Variants in ACACA observed in about 807,000 individuals in gnomAD.
ACACA encodes acetyl-CoA carboxylase 1.
A neutral mutation model predicts 296.1 loss-of-function variants in ACACA; 103 were observed. That is an observed-to-expected ratio of 0.35 (90% CI 0.30 to 0.41). The LOEUF (loss-of-function observed/expected upper bound fraction) is 0.41. ACACA is among the 10% of genes least tolerant of loss of function. The pLI is 1.00. For missense variants in ACACA, 1,554 were observed against 2,989.7 expected (o/e 0.52, Z 11.20); for synonymous variants, 953 against 1,038.6 (o/e 0.92, Z 1.58).
intron 35 of ACACA, among the ~76,000 whole-genome samples, chr17:37,199,609 A>C (rs2078157361): frequency 6.6e-6 from 1 of 152,318 alleles, no homozygotes; most frequent in African/African-American, 2.4e-5. Flanking sequence ...GGCTCTATCA[A>C]GGCATTTTAA....
intron 1 of ACACA, among the ~76,000 whole-genome samples, chr17:37,371,089 T>G (rs1340496592): frequency 6.6e-6 from 1 of 152,174 alleles, no homozygotes; most frequent in Non-Finnish European, 1.5e-5. Flanking sequence ...TTTTGTTTGT[T>G]TGTTTTTGAG....
At chr17:37,366,691 A>C (rs1041281701) in intron 1 of ACACA, among the ~76,000 whole-genome samples, 1 of 151,982 alleles carries the variant, frequency 6.6e-6, no homozygotes, top group Non-Finnish European at 1.5e-5. Flanking sequence ...CTGATCTGGA[A>C]TTCCTAACCT....
At chr17:37,119,895 CTTTT>C (rs36029062) in intron 50 of ACACA, among the ~76,000 whole-genome samples, 1 of 134,420 alleles carries the variant, frequency 7.4e-6, no homozygotes. Flanking sequence ...TTCTTTCTTT[CTTTT>C]TTTTTTTTTT....
intron 1 of ACACA, among the ~76,000 whole-genome samples, chr17:37,345,780 C>A (rs1225974644): frequency 6.6e-6 from 1 of 152,078 alleles, no homozygotes; most frequent in African/African-American, 2.4e-5. Context: ...GAGTACTATT[C>A]AAAATCATCA....
chr17:37,338,226 CAAA>C (rs564232257), intron 2 of ACACA, among the ~76,000 whole-genome samples: 1 of 67,434 alleles, frequency 1.5e-5, no homozygotes. Flanking sequence ...GACTCCGTCT[CAAA>C]AAAAAAAAAA....
intron 41 of ACACA, among the ~76,000 whole-genome samples, chr17:37,170,714 G>T (rs2076852413): frequency 6.6e-6 from 1 of 152,142 alleles, no homozygotes; most frequent in African/African-American, 2.4e-5. Context: ...TTCTGATGGT[G>T]CCCATAAATG....
chr17:37,280,505 C>T (rs2082463221), intron 5 of ACACA, among the ~76,000 whole-genome samples: 1 of 152,112 alleles, frequency 6.6e-6, no homozygotes, highest in Admixed American at 6.5e-5. Context: ...CCATGCCTGG[C>T]CCTCCATGCT....
rs749131787 is a variant in ACACA, at chr17:37,205,815, T to C, written c.4006A>G (p.Ile1336Val). 1 of 1,613,740 alleles carries C rather than the reference T, an allele frequency of 6.2e-7. No individual in the cohort carries two copies. Among genetic ancestry groups the C allele is most frequent in the South Asian group, 1.1e-5 (1 of 91,082 alleles). ...LNVAIKTDCDIEDDRLAAMFR... is the reference protein window; with the variant it reads ...LNVAIKTDCDVEDDRLAAMFR... ...ATAGCTGCCAGCCTGTCATCCTCAA[T>C]ATCACAGTCAGTCTTGATAGCCACA... Residue 1336 changes from isoleucine (I) to valine (V), a missense_variant, in exon 33 of 56, where the codon ATT becomes GTT. Around this residue, in one of 16 missense-constraint regions of ACACA, gnomAD observed 179 missense variants for 283.2 expected, o/e 0.63. Coordinates refer to ENST00000616317, the MANE Select transcript of ACACA (RefSeq NM_198834.3).
At chr17:37,262,591 CATT>C (rs2081565402) in intron 11 of ACACA, among the ~76,000 whole-genome samples, 1 of 152,132 alleles carries the variant, frequency 6.6e-6, no homozygotes, top group Non-Finnish European at 1.5e-5. Context: ...AAATAAGCAT[CATT>C]GTGTTCCAAC....
At chr17:37,128,374 T>A (rs929591574) in intron 47 of ACACA, among the ~76,000 whole-genome samples, 2 of 152,192 alleles carry the variant, frequency 1.3e-5, no homozygotes, top group Non-Finnish European at 2.9e-5. Flanking sequence ...CCACCTGGCT[T>A]ACAGTGGGTA....
intron 38 of ACACA, among the ~76,000 whole-genome samples, chr17:37,190,014 G>GA (rs796314746): frequency 7.4e-5 from 9 of 122,432 alleles, no homozygotes; most frequent in Middle Eastern, 4.0e-3. Flanking sequence ...GTTTCTGTAA[G>GA]AAAAAAAAGA....
In ACACA at chr17:37,097,745, C is replaced by A. The variant is rs779355034; in HGVS notation, c.6720+85G>T. On this transcript the variant is annotated intron_variant, in intron 53 of 55. Transcript: ENST00000616317. This position sits in a 1 kb window ranked among gnomAD's most constrained non-coding sequence, Gnocchi z 4.8. ...TTGTTTTAATTTGGCCCTCATAGCT[C>A]CCTGCTTATGAGCCTGTGTGCAACA... 1.7e-5 allele frequency: 26 copies of A among 1,547,590 alleles called. No individual in the cohort carries two copies. Among genetic ancestry groups the A allele is most frequent in the Middle Eastern group, 1.7e-4 (1 of 5,790 alleles).
rs368823062 is a variant in ACACA, at chr17:37,379,116, A to G, written c.38+27146T>C. ...AAAACAAAACCAGCTCCATTTTTCT[A>G]TCTGGTTCTTCTCCTTCCAGAAACT... On this transcript the variant is annotated intron_variant, in intron 1 of 55. Coordinates refer to ENST00000616317, the MANE Select transcript of ACACA (RefSeq NM_198834.3). 127 of 1,600,732 alleles carry G rather than the reference A, an allele frequency of 7.9e-5. No homozygotes were observed. The African/African-American group carries it at 1.4e-3, about 17-fold the overall frequency.
rs1252608285 is a variant in ACACA, at chr17:37,251,986, T to C, written c.2081+19A>G. 4 of 1,607,684 alleles carry C rather than the reference T, an allele frequency of 2.5e-6. No individual in the cohort carries two copies. The highest frequency in any genetic ancestry group is 3.4e-6 in the Non-Finnish European group (4 of 1,174,246). On this transcript the variant is annotated intron_variant, in intron 16 of 55. Transcript: ENST00000616317. Reference sequence around the variant, plus strand: ...GGACCATTGATTAGTTTGTGTAGCCTACAAGAAACAAAGCCTACCTTTCTA... The same window carrying C: ...GGACCATTGATTAGTTTGTGTAGCCCACAAGAAACAAAGCCTACCTTTCTA...
intron 3 of ACACA, chr17:37,301,361 T>A (rs1598435593): frequency 2.0e-6 from 2 of 985,190 alleles, no homozygotes; most frequent in Non-Finnish European, 2.4e-6. Flanking sequence ...CCATGAACAG[T>A]GTCCAACGTA....
chr17:37,178,273 A>C (rs951091143), intron 41 of ACACA, among the ~76,000 whole-genome samples: 4 of 152,160 alleles, frequency 2.6e-5, no homozygotes, highest in Admixed American at 2.6e-4. Context: ...CTCTGAGAGA[A>C]AGGATGCCAA....
At chr17:37,237,724 AT>A (rs2145886317) in intron 24 of ACACA, among the ~76,000 whole-genome samples, 1 of 152,028 alleles carries the variant, frequency 6.6e-6, no homozygotes, top group East Asian at 1.9e-4. Context: ...TTAGGTATAT[AT>A]TTTGTAAATA....
Position 37,160,772 on chromosome 17 carries a change from G to A in ACACA, c.5349+1009C>T, listed in dbSNP as rs1172613278. ...AATGATTAATCAAGGACTGACCTTG[G>A]AGTTTAAGCCAGATAGGAATGAAAT... On this transcript the variant is annotated intron_variant, in intron 42 of 55. Coordinates refer to ENST00000616317, the MANE Select transcript of ACACA (RefSeq NM_198834.3). Among the ~76,000 whole-genome samples the A allele has an allele frequency of 3.3e-5, 5 of 152,180 alleles. No individual in the cohort carries two copies. The East Asian group carries it at 9.6e-4, about 29-fold the overall frequency.
intron 3 of ACACA, among the ~76,000 whole-genome samples, chr17:37,306,787 T>C (rs1448404741): frequency 6.6e-6 from 1 of 152,072 alleles, no homozygotes; most frequent in Non-Finnish European, 1.5e-5. Context: ...CTCTGCCTCC[T>C]GGGATCAAGG....
Sources: allele counts gnomAD v4.1 joint callset (sites outside exome capture counted in the v4.1 genomes callset), GRCh38; gene constraint gnomAD v4.1.1; regional missense constraint gnomAD v4.1.1; non-coding constraint Gnocchi (gnomAD v3.1); transcripts MANE v1.5; gene names NCBI Gene and HGNC (gene_info 2026-07-23, HGNC 2026-07-21).